ADAMTS12: variants seen among roughly 807,000 people sequenced by gnomAD.
ADAMTS12 encodes A disintegrin and metalloproteinase with thrombospondin motifs 12.
In ADAMTS12, 118 loss-of-function variants were observed where a neutral mutation model predicts 167.8. The ratio of observed to expected loss-of-function variants is 0.70; its 90% confidence interval spans 0.61 to 0.82. The LOEUF (loss-of-function observed/expected upper bound fraction) is 0.82, where lower values mean the gene tolerates loss of function less well. Among genes scored for constraint, ADAMTS12 ranks in the 40% least tolerant of loss-of-function variants. The pLI is 0.00. For missense variants in ADAMTS12, 1,916 were observed against 1,998.8 expected, an observed-to-expected ratio of 0.96 and a Z score of 0.79; for synonymous variants, 704 against 716.9, an observed-to-expected ratio of 0.98 and a Z score of 0.29.
chr5:33,592,644 T>C (rs984128980), intron 17 of ADAMTS12, among the ~76,000 whole-genome samples: 2 of 152,190 alleles, frequency 1.3e-5, no homozygotes, highest in African/African-American at 4.8e-5. Context: ...GGCAATGTAA[T>C]ATATATTTTT....
intron 5 of ADAMTS12, among the ~76,000 whole-genome samples, chr5:33,676,525 T>TA (rs11326695): frequency 2.1e-4 from 32 of 148,844 alleles, no homozygotes; most frequent in African/African-American, 3.9e-4. Flanking sequence ...ACCCCATCTT[T>TA]AAAAAAAAAA....
intron 2 of ADAMTS12, among the ~76,000 whole-genome samples, chr5:33,856,248 C>T (rs529202248): frequency 6.6e-4 from 101 of 152,290 alleles, no homozygotes; most frequent in Admixed American, 1.7e-3. Context: ...CCCCGCAAAA[C>T]CTCCCTGCAC....
At chr5:33,868,122 G>C (rs1326940309) in intron 2 of ADAMTS12, among the ~76,000 whole-genome samples, 1 of 152,130 alleles carries the variant, frequency 6.6e-6, no homozygotes, top group African/African-American at 2.4e-5. Context: ...CTATGGAACT[G>C]AGTCAATTAA....
At chr5:33,802,926 T>C (rs1008227000) in intron 2 of ADAMTS12, among the ~76,000 whole-genome samples, 3 of 152,194 alleles carry the variant, frequency 2.0e-5, no homozygotes, top group African/African-American at 7.2e-5. Context: ...TGAGGAACTC[T>C]ACATGCCAGA....
intron 2 of ADAMTS12, among the ~76,000 whole-genome samples, chr5:33,772,469 C>T (rs1745781719): frequency 6.6e-6 from 1 of 152,168 alleles, no homozygotes; most frequent in Admixed American, 6.5e-5. Flanking sequence ...AGCCATAGCT[C>T]CTCCCAAGGT....
chr5:33,595,346 T>G (rs529104695), intron 17 of ADAMTS12, among the ~76,000 whole-genome samples: 76 of 152,286 alleles, frequency 5.0e-4, no homozygotes, highest in African/African-American at 1.7e-3. Flanking sequence ...TCTGCAGACA[T>G]TTTTAGTTGT....
intron 23 of ADAMTS12, among the ~76,000 whole-genome samples, chr5:33,529,152 A>C (rs1743972646): frequency 1.3e-5 from 2 of 152,366 alleles, no homozygotes; most frequent in South Asian, 4.1e-4. Flanking sequence ...AGGTGAAGGC[A>C]GAAGATATGT....
intron 3 of ADAMTS12, among the ~76,000 whole-genome samples, chr5:33,709,890 C>A (rs1172759335): frequency 2.0e-5 from 3 of 152,048 alleles, no homozygotes. Flanking sequence ...AAGTCAAAAT[C>A]CAATCTACCA....
chr5:33,830,914 C>G (rs2591726), intron 2 of ADAMTS12, among the ~76,000 whole-genome samples: 1 of 151,804 alleles, frequency 6.6e-6, no homozygotes, highest in Non-Finnish European at 1.5e-5. Flanking sequence ...AAAAAGAATT[C>G]TTTCTTATTT....
chr5:33,591,664 C>T (rs1272232454), intron 17 of ADAMTS12, among the ~76,000 whole-genome samples: 1 of 152,150 alleles, frequency 6.6e-6, no homozygotes, highest in Non-Finnish European at 1.5e-5. Context: ...CATGCTCAGT[C>T]CTTTTCCCTC....
At position 33,525,620 on chromosome 5, in the gene ADAMTS12, C is replaced by T. The variant is rs953547401; in HGVS notation, c.*1568G>A. ...TTCTGCCACCATCTAGATATTAGCACCATTTTTTTAATAGCACCATTCTGC... is the reference window on the plus strand; with the variant it reads ...TTCTGCCACCATCTAGATATTAGCATCATTTTTTTAATAGCACCATTCTGC... On this transcript the variant is annotated 3_prime_UTR_variant, in exon 24 of 24. Coordinates refer to ENST00000504830, the MANE Select transcript of ADAMTS12 (RefSeq NM_030955.4). The T allele has an allele frequency of 6.6e-6, 1 of 152,106 alleles. No homozygotes were observed. The highest frequency in any genetic ancestry group is 6.5e-5 in the Admixed American group (1 of 15,270). The allele number at this position is 152,106 out of a possible 1,614,324, so 9.4% of individuals were successfully genotyped here.
chr5:33,872,991 G>T (rs1174544456), intron 2 of ADAMTS12, among the ~76,000 whole-genome samples: 4 of 152,066 alleles, frequency 2.6e-5, no homozygotes, highest in Non-Finnish European at 4.4e-5. Flanking sequence ...GAATCTAGAA[G>T]CTTTCCCACT....
At chr5:33,883,327 G>GTTTTTTTTTTTTGTTTTTTTTTT in intron 1 of ADAMTS12, among the ~76,000 whole-genome samples, 1 of 111,606 alleles carries the variant, frequency 9.0e-6, no homozygotes, top group Admixed American at 8.8e-5. Flanking sequence ...TTTTTTTTTT[G>GTTTTTTTTTTTTGTTTTTTTTTT]TTTTTTTTTT....
At chr5:33,821,610 G>C (rs1262142330) in intron 2 of ADAMTS12, among the ~76,000 whole-genome samples, 1 of 152,054 alleles carries the variant, frequency 6.6e-6, no homozygotes, top group Non-Finnish European at 1.5e-5. Context: ...CGTGACTGAG[G>C]CATCTCCCCA....
intron 3 of ADAMTS12, among the ~76,000 whole-genome samples, chr5:33,733,726 C>A (rs903168661): frequency 6.6e-6 from 1 of 152,134 alleles, no homozygotes; most frequent in African/African-American, 2.4e-5. Context: ...CTGAAAGGAT[C>A]ATAAGTGTCA....
At chr5:33,645,019 CGT>C (rs1740608302) in intron 9 of ADAMTS12, among the ~76,000 whole-genome samples, 1 of 152,018 alleles carries the variant, frequency 6.6e-6, no homozygotes, top group South Asian at 2.1e-4. Context: ...CGTAAGCCAC[CGT>C]ACCCGGCCTA....
intron 21 of ADAMTS12, among the ~76,000 whole-genome samples, chr5:33,547,991 C>T (rs1177494429): frequency 6.6e-6 from 1 of 152,166 alleles, no homozygotes; most frequent in Non-Finnish European, 1.5e-5. Flanking sequence ...GAAGAGGGGA[C>T]AGTGGTGGCT....
chr5:33,560,917 GA>G (rs1745716203), intron 20 of ADAMTS12, 109 bp downstream of exon 20: 3 of 1,303,688 alleles, frequency 2.3e-6, no homozygotes, highest in Non-Finnish European at 3.0e-6. Flanking sequence ...CTTTAATTAA[GA>G]AAAAGAAAAA....
intron 7 of ADAMTS12, among the ~76,000 whole-genome samples, chr5:33,650,251 A>G (rs1377227558): frequency 6.6e-6 from 1 of 152,162 alleles, no homozygotes; most frequent in Non-Finnish European, 1.5e-5. Flanking sequence ...GATGATCTGT[A>G]TTTGAACTCC....
Sources: allele counts gnomAD v4.1 joint callset (sites outside exome capture counted in the v4.1 genomes callset), GRCh38; gene constraint gnomAD v4.1.1; transcripts MANE v1.5; gene names NCBI Gene and HGNC (gene_info 2026-07-23, HGNC 2026-07-21).